GPHN: variants seen among roughly 807,000 people sequenced by gnomAD.
GPHN encodes the protein gephyrin.
Under a neutral mutation model 95.5 loss-of-function variants are expected in GPHN, and 17 were observed. The ratio of observed to expected loss-of-function variants is 0.18; its 90% CI spans 0.12 to 0.27. The LOEUF (loss-of-function observed/expected upper bound fraction) is 0.27, where lower values mean the gene tolerates loss of function less well. Among genes scored for constraint, GPHN ranks in the 10% least tolerant of loss-of-function variants. The probability of loss-of-function intolerance (pLI) is 1.00; values close to 1 mark genes in which losing one functional copy is unlikely to be tolerated. For synonymous variants in GPHN, 320 were observed against 322.5 expected, an observed-to-expected ratio of 0.99 and a Z score of 0.08; for missense variants, 660 against 978.1, an observed-to-expected ratio of 0.67 and a Z score of 4.34.
the GPHN span, among the ~76,000 whole-genome samples, chr14:67,211,038 G>A: frequency 2.0e-5 from 3 of 152,090 alleles, no homozygotes; most frequent in African/African-American, 7.2e-5. Context: ...TTTGCAGTCA[G>A]ATCTCTGGGT....
rs150472756 is a variant in GPHN, at chr14:66,738,646, A to G, written c.144-37818A>G. Reference sequence around the variant, plus strand: ...CCCTCTGATGGAAAGGGGCATCTTTAGATGAAGTAATTTCATTAAAATATC... The same window carrying G: ...CCCTCTGATGGAAAGGGGCATCTTTGGATGAAGTAATTTCATTAAAATATC... On this transcript the variant is annotated intron_variant, in intron 2 of 22. Coordinates refer to ENST00000478722, the MANE Select transcript of GPHN (RefSeq NM_020806.5). Among the ~76,000 whole-genome samples the G allele has an allele frequency of 6.0e-4, 91 of 152,314 alleles. 3 individuals carry two copies. The highest frequency in any genetic ancestry group is 2.1e-3 in the African/African-American group (88 of 41,578).
chr14:67,041,334 A>C (rs999023813), intron 10 of GPHN, among the ~76,000 whole-genome samples: 22 of 151,976 alleles, frequency 1.4e-4, no homozygotes, highest in African/African-American at 4.8e-4. Context: ...CATCACCTAC[A>C]TTAGGTATTT....
the GPHN span, among the ~76,000 whole-genome samples, chr14:67,275,289 A>G: frequency 2.6e-5 from 4 of 152,278 alleles, no homozygotes; most frequent in African/African-American, 9.6e-5. Context: ...TTTGAGATAC[A>G]TTCCATCAAT....
At chr14:66,983,755 T>C (rs2070837355) in intron 9 of GPHN, among the ~76,000 whole-genome samples, 1 of 152,224 alleles carries the variant, frequency 6.6e-6, no homozygotes, top group African/African-American at 2.4e-5. Flanking sequence ...TAAGTTTCTA[T>C]ACTTGCATTT....
the GPHN span, among the ~76,000 whole-genome samples, chr14:67,251,157 C>T: frequency 6.6e-6 from 1 of 152,184 alleles, no homozygotes; most frequent in Non-Finnish European, 1.5e-5. Context: ...TATAGCCTGC[C>T]TTAAGACTTA....
intron 9 of GPHN, among the ~76,000 whole-genome samples, chr14:67,021,844 T>C (rs1363196775): frequency 6.6e-6 from 1 of 152,144 alleles, no homozygotes; most frequent in East Asian, 1.9e-4. Context: ...GGAGCCACTT[T>C]CCATTCGCAA....
At chr14:66,802,978 AC>A (rs1044675734) in intron 3 of GPHN, among the ~76,000 whole-genome samples, 2 of 149,992 alleles carry the variant, frequency 1.3e-5, no homozygotes, top group African/African-American at 4.9e-5. Flanking sequence ...TTCCCTCTCC[AC>A]CCCCAGTCCA....
chr14:66,546,654 C>T lies in GPHN; in HGVS notation c.64+38063C>T, dbSNP rs867448872. Among the ~76,000 whole-genome samples the T allele has an allele frequency of 3.8e-3, 580 of 151,438 alleles. 12 individuals carry two copies. The highest frequency in any genetic ancestry group is 0.013 in the African/African-American group (527 of 41,358). The stretch of plus-strand genomic sequence containing the variant: ...AGGCGTGGCGGCGCGTGCCTGCAAT[C>T]GCAGGCACTCAGCAAGCTGAGGCAG... On this transcript the variant is annotated intron_variant, in intron 1 of 22. Transcript: ENST00000478722.
intron 19 of GPHN, among the ~76,000 whole-genome samples, chr14:67,163,104 A>C (rs180691103): frequency 4.3e-4 from 65 of 152,194 alleles, no homozygotes; most frequent in African/African-American, 1.5e-3. Context: ...TCAGGAGTTC[A>C]AGACCAGCCT....
chr14:67,231,002 G>C, the GPHN span, among the ~76,000 whole-genome samples: 1 of 152,154 alleles, frequency 6.6e-6, no homozygotes, highest in Non-Finnish European at 1.5e-5. Context: ...CTGCCCCTTA[G>C]TCAGTAGCCT....
chr14:67,570,418 C>A, the GPHN span: 1 of 350,416 alleles, frequency 2.9e-6, no homozygotes, highest in Non-Finnish European at 4.0e-6. Flanking sequence ...TTTTCATACA[C>A]ATTTTTGTCT....
the GPHN span, among the ~76,000 whole-genome samples, chr14:67,576,805 C>A: frequency 6.6e-6 from 1 of 152,172 alleles, no homozygotes; most frequent in African/African-American, 2.4e-5. This position sits in a 1 kb window ranked among gnomAD's most constrained non-coding sequence, Gnocchi z 4.0. Context: ...AAGAAGGTAG[C>A]TGGTTAATCT....
chr14:67,596,174 G>T, the GPHN span, among the ~76,000 whole-genome samples: 9 of 151,908 alleles, frequency 5.9e-5, no homozygotes, highest in Non-Finnish European at 1.3e-4. Context: ...CGTTTCCCTG[G>T]CTGGAGTGCA....
chr14:67,648,174 C>T, the GPHN span: 1 of 1,613,802 alleles, frequency 6.2e-7, no homozygotes, highest in Non-Finnish European at 8.5e-7. Context: ...TGAGGAAATA[C>T]ACAATACAGG....
chr14:67,102,332 G>A (rs1310535763), intron 13 of GPHN, among the ~76,000 whole-genome samples: 1 of 152,018 alleles, frequency 6.6e-6, no homozygotes, highest in East Asian at 1.9e-4. Context: ...TTCCTGAGAT[G>A]GAATACCCAA....
chr14:66,941,164 G>A (rs1733056565), intron 8 of GPHN, among the ~76,000 whole-genome samples: 1 of 151,848 alleles, frequency 6.6e-6, no homozygotes, highest in Non-Finnish European at 1.5e-5. Context: ...TAAAATGTAG[G>A]TTACAACTTA....
chr14:66,907,124 T>C (rs7153936), intron 5 of GPHN, among the ~76,000 whole-genome samples: 22,314 of 152,138 alleles, frequency 0.15, 3,115 homozygotes, highest in East Asian at 0.43. Flanking sequence ...AAAATCCACA[T>C]GCAAATGTTT....
At chr14:66,542,112 C>T (rs999596931) in intron 1 of GPHN, among the ~76,000 whole-genome samples, 3 of 152,094 alleles carry the variant, frequency 2.0e-5, no homozygotes, top group African/African-American at 7.2e-5. Flanking sequence ...CACTTAAGTC[C>T]AGCTTAAATC....
chr14:67,600,244 T>C, the GPHN span: 15,860 of 1,490,770 alleles, frequency 0.011, 703 homozygotes, highest in East Asian at 0.12. Context: ...GGCGCTGCAC[T>C]GCGCTCGCCG....
Sources: gnomAD v4.1 joint callset for allele counts (sites outside exome capture counted in the v4.1 genomes callset) on GRCh38, gnomAD v4.1.1 for gene constraint, Gnocchi (gnomAD v3.1) non-coding constraint, MANE v1.5 for transcripts, NCBI Gene and HGNC (gene_info 2026-07-23, HGNC 2026-07-21) for gene names.